GALNT13: variants seen among roughly 807,000 people sequenced by gnomAD.
GALNT13 encodes the protein UDP-GalNAc:polypeptide N-acetylgalactosaminyltransferase 13.
Under a neutral mutation model 64.2 loss-of-function variants are expected in GALNT13, and 28 were observed. That is an observed-to-expected ratio of 0.44 (90% CI 0.32 to 0.60). The LOEUF (loss-of-function observed/expected upper bound fraction) is 0.60. GALNT13 is among the 20% of genes least tolerant of loss of function. The probability of loss-of-function intolerance (pLI) is 0.05; values close to 1 mark genes in which losing one functional copy is unlikely to be tolerated. For synonymous variants in GALNT13, 214 were observed against 224.6 expected (o/e 0.95, Z 0.42); for missense variants, 577 against 669.8 (o/e 0.86, Z 1.53).
the GALNT13 span, among the ~76,000 whole-genome samples, chr2:153,647,989 C>T: frequency 1.2e-4 from 18 of 152,184 alleles, no homozygotes; most frequent in African/African-American, 4.1e-4. Context: ...GTAGTTTTTT[C>T]CAATTCTGTG....
the GALNT13 span, among the ~76,000 whole-genome samples, chr2:153,163,196 C>G: frequency 2.0e-5 from 3 of 151,888 alleles, no homozygotes; most frequent in African/African-American, 7.3e-5. Context: ...AAATAAGGTC[C>G]CACTTGTTTG....
the GALNT13 span, among the ~76,000 whole-genome samples, chr2:153,087,759 G>T: frequency 6.6e-6 from 1 of 152,056 alleles, no homozygotes; most frequent in South Asian, 2.1e-4. Flanking sequence ...TGCATGTGTA[G>T]GTGTTCACAG....
chr2:153,668,800 A>G, the GALNT13 span, among the ~76,000 whole-genome samples: 5 of 152,140 alleles, frequency 3.3e-5, no homozygotes, highest in Non-Finnish European at 7.4e-5. Flanking sequence ...AGAGCTTCTT[A>G]CAGAACGGAT....
At chr2:153,971,275 T>C (rs574521723) in intron 3 of GALNT13, among the ~76,000 whole-genome samples, 1 of 152,150 alleles carries the variant, frequency 6.6e-6, no homozygotes, top group Non-Finnish European at 1.5e-5. Flanking sequence ...ATCTCTACAC[T>C]CGCTGTCCTT....
At chr2:154,421,364 C>G (rs1403593653) in intron 11 of GALNT13, among the ~76,000 whole-genome samples, 1 of 151,864 alleles carries the variant, frequency 6.6e-6, no homozygotes, top group Non-Finnish European at 1.5e-5. Flanking sequence ...AGCTACACAT[C>G]GATATGGCTA....
the GALNT13 span, among the ~76,000 whole-genome samples, chr2:153,545,684 C>T: frequency 1.3e-5 from 2 of 152,066 alleles, no homozygotes; most frequent in Non-Finnish European, 2.9e-5. Flanking sequence ...TCACCTTGAC[C>T]CCAGAGAGAG....
the GALNT13 span, among the ~76,000 whole-genome samples, chr2:153,527,746 T>C: frequency 6.6e-6 from 1 of 152,070 alleles, no homozygotes; most frequent in Non-Finnish European, 1.5e-5. Flanking sequence ...TATCATAAGA[T>C]ATAAATGGGA....
chr2:154,173,676 A>G lies in GALNT13; in HGVS notation c.311+33171A>G, dbSNP rs372953116. Among the ~76,000 whole-genome samples the G allele has an allele frequency of 2.0e-5, 3 of 152,080 alleles. No individual in the cohort carries two copies. The East Asian group carries it at 5.8e-4, about 29-fold the overall frequency. ...CTGACAAGGAATTAATAACCAGAAT[A>G]TATAAGGAGCTCAAACAACTCAATA... On this transcript the variant is annotated intron_variant, in intron 4 of 12. Coordinates refer to ENST00000392825, the MANE Select transcript of GALNT13 (RefSeq NM_052917.4).
chr2:153,843,375 G>A, the GALNT13 span, among the ~76,000 whole-genome samples: 1 of 152,200 alleles, frequency 6.6e-6, no homozygotes, highest in Non-Finnish European at 1.5e-5. Flanking sequence ...AACTCAGGGT[G>A]AGAGTTCACT....
the GALNT13 span, among the ~76,000 whole-genome samples, chr2:153,769,241 A>G: frequency 1.3e-5 from 2 of 152,154 alleles, no homozygotes; most frequent in African/African-American, 4.8e-5. Context: ...CTATCCCTTC[A>G]TTTCCATCTT....
intron 3 of GALNT13, 106 bp downstream of exon 3, chr2:153,944,745 A>G: frequency 1.0e-6 from 1 of 953,770 alleles, no homozygotes; most frequent in African/African-American, 1.6e-5. Flanking sequence ...AGTGAGTTAG[A>G]AGAGCATTTT....
the GALNT13 span, among the ~76,000 whole-genome samples, chr2:153,557,609 T>A: frequency 6.6e-6 from 1 of 152,208 alleles, no homozygotes; most frequent in Admixed American, 6.5e-5. Context: ...TTATATCTAT[T>A]CAGCCTTCCC....
intron 3 of GALNT13, among the ~76,000 whole-genome samples, chr2:154,095,914 A>G (rs1301518534): frequency 2.0e-5 from 3 of 152,010 alleles, no homozygotes; most frequent in Non-Finnish European, 4.4e-5. Flanking sequence ...CACAAAATAC[A>G]TAGATTAAAG....
chr2:153,613,503 G>C, the GALNT13 span, among the ~76,000 whole-genome samples: 1 of 152,092 alleles, frequency 6.6e-6, no homozygotes, highest in African/African-American at 2.4e-5. Flanking sequence ...GGAAGAGAAA[G>C]AGTTTCCCCT....
chr2:153,554,087 T>C, the GALNT13 span, among the ~76,000 whole-genome samples: 21 of 149,684 alleles, frequency 1.4e-4, no homozygotes, highest in African/African-American at 4.7e-4. Flanking sequence ...GAGGCCAAGG[T>C]GGGCGGATCA....
At chr2:153,540,584 A>G in the GALNT13 span, among the ~76,000 whole-genome samples, 3 of 152,196 alleles carry the variant, frequency 2.0e-5, no homozygotes, top group Non-Finnish European at 4.4e-5. Flanking sequence ...AGCCACAGGT[A>G]CTAAACAGCA....
chr2:153,115,872 T>G, the GALNT13 span, among the ~76,000 whole-genome samples: 2 of 152,316 alleles, frequency 1.3e-5, no homozygotes, highest in East Asian at 1.9e-4. Flanking sequence ...CCAATTAAAC[T>G]TAGGTCATTG....
At chr2:154,283,879 C>A (rs910558717) in intron 8 of GALNT13, among the ~76,000 whole-genome samples, 1 of 152,072 alleles carries the variant, frequency 6.6e-6, no homozygotes. Context: ...ATCAATGAAA[C>A]CTATCATAGT....
chr2:153,439,474 G>C, the GALNT13 span, among the ~76,000 whole-genome samples: 1 of 152,294 alleles, frequency 6.6e-6, no homozygotes, highest in Non-Finnish European at 1.5e-5. Flanking sequence ...CACCCAGTTC[G>C]AGCTTCCTGG....
Sources: gnomAD v4.1 joint callset for allele counts (sites outside exome capture counted in the v4.1 genomes callset) on GRCh38, gnomAD v4.1.1 for gene constraint, MANE v1.5 for transcripts, NCBI Gene and HGNC (gene_info 2026-07-23, HGNC 2026-07-21) for gene names.